The following COA1 variants were observed in gnomAD, a reference collection of about 807,000 sequenced individuals.
COA1 encodes the protein cytochrome c oxidase assembly factor 1, also known as cytochrome c oxidase assembly factor 1 homolog.
COA1 carries 13 observed loss-of-function variants against 16.0 expected under a neutral mutation model. The ratio of observed to expected loss-of-function variants is 0.81; its 90% CI spans 0.53 to 1.29. The LOEUF (loss-of-function observed/expected upper bound fraction) is 1.29, where lower values mean the gene tolerates loss of function less well. Among genes scored for constraint, COA1 ranks in the 50% most tolerant of loss-of-function variants. COA1 has a pLI of 0.00. For missense variants in COA1, 179 were observed against 177.0 expected, an observed-to-expected ratio of 1.01 and a Z score of -0.06; for synonymous variants, 65 against 65.7, an observed-to-expected ratio of 0.99 and a Z score of 0.05.
downstream of COA1, among the ~76,000 whole-genome samples, chr7:43,635,637 G>A (rs1337060308): frequency 3.9e-5 from 6 of 152,120 alleles, no homozygotes; most frequent in African/African-American, 1.4e-4. Context: ...CCTCCCACAG[G>A]AAAGAGCACT....
intron 4 of COA1, among the ~76,000 whole-genome samples, chr7:43,644,766 G>GATAGATAGA (rs1563228993): frequency 3.7e-5 from 3 of 80,618 alleles, no homozygotes; most frequent in Admixed American, 2.6e-4. Flanking sequence ...AGATAGGCAG[G>GATAGATAGA]CAGGCAGGCA....
chr7:43,704,044 T>C (rs1409071271), intron 1 of COA1, among the ~76,000 whole-genome samples: 1 of 152,230 alleles, frequency 6.6e-6, no homozygotes, highest in Non-Finnish European at 1.5e-5. Flanking sequence ...TTTGCTTGCC[T>C]GAAAAGGATT....
At chr7:43,635,570 C>T (rs1009217231), downstream of COA1, among the ~76,000 whole-genome samples, 4 of 152,210 alleles carry the variant, frequency 2.6e-5, no homozygotes, top group African/African-American at 9.6e-5. Flanking sequence ...CTGCATGCCA[C>T]TTCCACTCAC....
chr7:43,623,877 TAAG>T (rs1246482854), intron 6 of COA1: 1 of 1,542,612 alleles, frequency 6.5e-7, no homozygotes, highest in African/African-American at 1.4e-5. Flanking sequence ...CACTTTTAGT[TAAG>T]AAACCTGAGT....
At chr7:43,701,158 A>ATACT (rs2094721730) in intron 1 of COA1, among the ~76,000 whole-genome samples, 1 of 149,622 alleles carries the variant, frequency 6.7e-6, no homozygotes, top group African/African-American at 2.5e-5. Context: ...TTACATGGGT[A>ATACT]TACTGCATGT....
chr7:43,713,212 AAAG>A (rs2095304262), intron 1 of COA1, among the ~76,000 whole-genome samples: 1 of 152,190 alleles, frequency 6.6e-6, no homozygotes, highest in Non-Finnish European at 1.5e-5. Context: ...TTGGCCTCCC[AAAG>A]TGCTGGGGAT....
intron 2 of COA1, 143 bp from the exon 3 acceptor site, chr7:43,647,777 C>T: frequency 3.1e-6 from 2 of 653,294 alleles, no homozygotes; most frequent in South Asian, 3.9e-5. Context: ...GCTTCCTTTC[C>T]AAATGCCAGG....
intron 1 of COA1, among the ~76,000 whole-genome samples, chr7:43,697,135 AAAAC>A (rs896670129): frequency 1.3e-5 from 2 of 151,858 alleles, no homozygotes; most frequent in African/African-American, 4.8e-5. Flanking sequence ...CAAAAAACAA[AAAAC>A]AAATAAAAAA....
At chr7:43,658,408 A>AT (rs1203327333) in intron 1 of COA1, among the ~76,000 whole-genome samples, 9 of 152,202 alleles carry the variant, frequency 5.9e-5, no homozygotes, top group Admixed American at 4.6e-4. Context: ...ATGTGATAAA[A>AT]TGTCATCTGA....
intron 1 of COA1, among the ~76,000 whole-genome samples, chr7:43,721,012 G>T (rs2095495986): frequency 6.6e-6 from 1 of 152,172 alleles, no homozygotes; most frequent in Non-Finnish European, 1.5e-5. Flanking sequence ...GTTATAAAGG[G>T]ATTCCTACAT....
At chr7:43,666,135 A>G (rs1265543726) in intron 1 of COA1, among the ~76,000 whole-genome samples, 1 of 152,192 alleles carries the variant, frequency 6.6e-6, no homozygotes, top group East Asian at 1.9e-4. Flanking sequence ...TAGCCACTTA[A>G]GATGTTCAAT....
chr7:43,647,713 A>T (rs748046977), intron 2 of COA1, 79 bp from the exon 3 acceptor site: 14 of 1,073,142 alleles, frequency 1.3e-5, no homozygotes, highest in Admixed American at 2.1e-5. Context: ...GGACCCCTAA[A>T]GGAAAGAAGC....
At chr7:43,611,106 G>A (rs1156676056) in intron 6 of COA1, among the ~76,000 whole-genome samples, 1 of 152,198 alleles carries the variant, frequency 6.6e-6, no homozygotes, top group Non-Finnish European at 1.5e-5. Context: ...GACAGAATGA[G>A]ACTCCGTCTC....
intron 1 of COA1, among the ~76,000 whole-genome samples, chr7:43,687,654 A>G (rs987287214): frequency 6.6e-6 from 1 of 152,260 alleles, no homozygotes. Context: ...AAGTTATTCA[A>G]TAGTTAGTGA....
chr7:43,633,225 A>G (rs1185442524), intron 6 of COA1: 1 of 152,232 alleles, frequency 6.6e-6, no homozygotes, highest in Non-Finnish European at 1.5e-5. Flanking sequence ...CAGCTTCTCC[A>G]TCAGCACTTG....
At chr7:43,671,631 A>G (rs1165813601) in intron 1 of COA1, among the ~76,000 whole-genome samples, 1 of 152,210 alleles carries the variant, frequency 6.6e-6, no homozygotes, top group Non-Finnish European at 1.5e-5. Context: ...CATGAGATAA[A>G]TATTTTTCTA....
At chr7:43,726,312 C>T (rs1019146878) in intron 1 of COA1, among the ~76,000 whole-genome samples, 7 of 152,170 alleles carry the variant, frequency 4.6e-5, no homozygotes, top group Non-Finnish European at 8.8e-5. Context: ...GTCACACTAA[C>T]TGGGAACTAC....
intron 1 of COA1, among the ~76,000 whole-genome samples, chr7:43,702,589 TG>T (rs898185387): frequency 6.6e-6 from 1 of 152,116 alleles, no homozygotes; most frequent in African/African-American, 2.4e-5. Flanking sequence ...GGTTCAATCT[TG>T]GGGGGTTGTA....
At chr7:43,614,880 A>G (rs571723182) in intron 6 of COA1, among the ~76,000 whole-genome samples, 1 of 152,350 alleles carries the variant, frequency 6.6e-6, no homozygotes, top group East Asian at 1.9e-4. Context: ...GTAACTAAAG[A>G]AAGCATTTCT....
Sources: gnomAD v4.1 joint callset for allele counts (sites outside exome capture counted in the v4.1 genomes callset) on GRCh38, gnomAD v4.1.1 for gene constraint, MANE v1.5 for transcripts, NCBI Gene and HGNC (gene_info 2026-07-23, HGNC 2026-07-21) for gene names.